ABCB1: variants seen among roughly 807,000 people sequenced by gnomAD.
The protein encoded by ABCB1 is ATP binding cassette subfamily B member 1, also known as ATP-dependent translocase ABCB1.
In ABCB1, 69 loss-of-function variants were observed where a neutral mutation model predicts 142.0. The observed-to-expected ratio is 0.49, with a 90% CI of 0.40 to 0.59. The LOEUF (loss-of-function observed/expected upper bound fraction) is 0.59, where lower values mean the gene tolerates loss of function less well. Among genes scored for constraint, ABCB1 ranks in the 20% least tolerant of loss-of-function variants. The pLI is 0.00. For missense variants in ABCB1, 1,326 were observed against 1,554.7 expected, an observed-to-expected ratio of 0.85 and a Z score of 2.47; for synonymous variants, 532 against 539.2, an observed-to-expected ratio of 0.99 and a Z score of 0.18.
intron 4 of ABCB1, among the ~76,000 whole-genome samples, chr7:87,584,607 T>C (rs963128199): frequency 6.6e-6 from 1 of 152,156 alleles, no homozygotes; most frequent in African/African-American, 2.4e-5. Context: ...CTGTAGTCTA[T>C]TCACTTTCCC....
At chr7:87,677,948 A>C (rs1826544154) in intron 1 of ABCB1, among the ~76,000 whole-genome samples, 2 of 152,214 alleles carry the variant, frequency 1.3e-5, no homozygotes, top group African/African-American at 4.8e-5. Flanking sequence ...ATTCAGTGAA[A>C]ATGTACTTCA....
At chr7:87,549,650 A>G (rs1330636973) in intron 13 of ABCB1, 132 bp from the exon 14 acceptor site, 15 of 1,454,652 alleles carry the variant, frequency 1.0e-5, no homozygotes, top group Non-Finnish European at 1.3e-5. Flanking sequence ...AATCTTATTT[A>G]ACACAATAAC....
chr7:87,675,411 A>G (rs1284101709), intron 1 of ABCB1, among the ~76,000 whole-genome samples: 3 of 152,208 alleles, frequency 2.0e-5, no homozygotes, highest in African/African-American at 4.8e-5. Context: ...CCTGAGCAAA[A>G]GAAACAAAGC....
Position 87,544,111 on chromosome 7 carries a change from A to T in ABCB1, c.2211+18T>A, listed in dbSNP as rs1291526534. The T allele has an allele frequency of 1.2e-6, 2 of 1,613,698 alleles. No individual in the cohort carries two copies. The highest frequency in any genetic ancestry group is 3.3e-5 in the Admixed American group (2 of 60,028). ...TCAGGATTCACAAGTAAATCACACA[A>T]ATGGGCATCACACTTACCCCTATAA... On this transcript the variant is annotated intron_variant, in intron 17 of 27. Coordinates refer to ENST00000622132, the MANE Select transcript of ABCB1 (RefSeq NM_001348946.2).
At chr7:87,527,571 C>A (rs538100006) in intron 21 of ABCB1, among the ~76,000 whole-genome samples, 17 of 152,116 alleles carry the variant, frequency 1.1e-4, no homozygotes, top group Admixed American at 2.0e-4. Context: ...TTGTTGGGAG[C>A]ACTTCCAGCA....
intron 22 of ABCB1, 21 bp downstream of exon 22, chr7:87,520,755 C>T (rs199857044): frequency 5.0e-5 from 79 of 1,584,810 alleles, no homozygotes; most frequent in Admixed American, 3.7e-4. Flanking sequence ...CACTCTCCTC[C>T]CACTCTTCAG....
intron 7 of ABCB1, chr7:87,565,501 A>G: frequency 2.2e-6 from 1 of 454,738 alleles, no homozygotes; most frequent in Non-Finnish European, 4.4e-6. Flanking sequence ...AAGGATTTAT[A>G]TGCATCCTTA....
At chr7:87,545,332 G>C (rs1041427582) in intron 15 of ABCB1, among the ~76,000 whole-genome samples, 4 of 152,156 alleles carry the variant, frequency 2.6e-5, no homozygotes, top group Non-Finnish European at 5.9e-5. Context: ...ACAGAAATAT[G>C]GCACAAGCCA....
chr7:87,697,629 G>T (rs1828605896), intron 1 of ABCB1, among the ~76,000 whole-genome samples: 1 of 152,164 alleles, frequency 6.6e-6, no homozygotes, highest in South Asian at 2.1e-4. Flanking sequence ...CTTGGTCCCT[G>T]TAACTGCTTG....
At chr7:87,693,339 T>C (rs1236106410) in intron 1 of ABCB1, among the ~76,000 whole-genome samples, 4 of 152,190 alleles carry the variant, frequency 2.6e-5, no homozygotes, top group Non-Finnish European at 1.5e-5. Flanking sequence ...TGCTGCTCTC[T>C]ACAGGGAAGA....
chr7:87,520,873 C>T lies in ABCB1; in HGVS notation c.2689G>A (p.Ala897Thr), dbSNP rs147487745. Residue 897 changes from alanine to threonine, a missense_variant, in exon 22 of 28, where the codon GCT becomes ACT. Transcript: ENST00000622132. ...CGGAAGTTTTCTATTGCTTCAGTAG[C>T]GATCTGTAACAGACAGCACCGATCA... Reference protein sequence around the residue: ...KKELEGSGKIATEAIENFRTV... With the variant: ...KKELEGSGKITTEAIENFRTV... 2.2e-5 allele frequency: 35 copies of T among 1,613,252 alleles called. No homozygotes were observed. The African/African-American group carries it at 2.5e-4, about 12-fold the overall frequency.
At chr7:87,522,517 T>C in intron 21 of ABCB1, 1 of 494,264 alleles carries the variant, frequency 2.0e-6, no homozygotes, top group Non-Finnish European at 4.0e-6. Flanking sequence ...AGCACAGTGG[T>C]GGCAGGGCCT....
At chr7:87,531,885 G>T (rs995262912) in intron 20 of ABCB1, among the ~76,000 whole-genome samples, 2 of 152,154 alleles carry the variant, frequency 1.3e-5, no homozygotes, top group Non-Finnish European at 2.9e-5. Flanking sequence ...TAAGCCTAAC[G>T]TTTGTCATTA....
Position 87,511,395 on chromosome 7 carries a change from G to A in ABCB1, c.3283-1914C>T, listed in dbSNP as rs138866486. On this transcript the variant is annotated intron_variant, in intron 25 of 27. Transcript: ENST00000622132. ...AATGAAAGGCCAGATTAAAATGATT[G>A]GCTATCTCTATTGTAGACTGTTAAG... Among the ~76,000 whole-genome samples the A allele has an allele frequency of 9.1e-3, 1,380 of 152,252 alleles. 6 individuals are homozygous for A. Among genetic ancestry groups the A allele is most frequent in the Non-Finnish European group, 0.013 (885 of 67,992 alleles).
At chr7:87,629,727 C>T (rs1041519611) in intron 1 of ABCB1, among the ~76,000 whole-genome samples, 2 of 151,772 alleles carry the variant, frequency 1.3e-5, no homozygotes, top group Non-Finnish European at 2.9e-5. Context: ...GAGTTCGAGA[C>T]CAGCCTGGCC....
intron 27 of ABCB1, among the ~76,000 whole-genome samples, chr7:87,505,602 G>A (rs1814696153): frequency 6.6e-6 from 1 of 152,090 alleles, no homozygotes; most frequent in African/African-American, 2.4e-5. Context: ...TTTCCTTATG[G>A]TTGCTGAAGA....
rs1019896575 is a variant in ABCB1, at chr7:87,561,958, C to G, written c.703-571G>C. Among the ~76,000 whole-genome samples, 3 of 152,196 alleles carry G rather than the reference C, an allele frequency of 2.0e-5. No homozygotes were observed. In the South Asian group the frequency reaches 6.2e-4, roughly 31 times the overall value. ...CAGTGGTTGTGCCACTGCAGTCCAGCCTGGGCAACAGAGTGAGACCCTGTT... is the reference window on the plus strand; with the variant it reads ...CAGTGGTTGTGCCACTGCAGTCCAGGCTGGGCAACAGAGTGAGACCCTGTT... On this transcript the variant is annotated intron_variant, in intron 7 of 27. Coordinates refer to ENST00000622132, the MANE Select transcript of ABCB1 (RefSeq NM_001348946.2).
rs538066304 is a variant in ABCB1 at position 87,615,062 on chromosome 7, G to A, written c.-330-13984C>T. On this transcript the variant is annotated intron_variant, in intron 1 of 28. Transcript: ENST00000265724. ...GGGTTTCACCGTGTTAGCCAGGATG[G>A]TCTTGATCTCCTGACCCGCCCGCCT... Among the ~76,000 whole-genome samples the A allele has an allele frequency of 2.0e-5, 3 of 152,192 alleles. No individual in the cohort carries two copies. The South Asian group carries it at 6.2e-4, about 32-fold the overall frequency.
intron 3 of ABCB1, among the ~76,000 whole-genome samples, chr7:87,591,215 C>T (rs1010243759): frequency 5.9e-5 from 9 of 152,036 alleles, no homozygotes; most frequent in African/African-American, 2.2e-4. Flanking sequence ...CAAGTGTCCT[C>T]TAGAAGCTGA....
Sources: allele counts gnomAD v4.1 joint callset (sites outside exome capture counted in the v4.1 genomes callset), GRCh38; gene constraint gnomAD v4.1.1; transcripts MANE v1.5; gene names NCBI Gene and HGNC (gene_info 2026-07-23, HGNC 2026-07-21).